Variants in DYNC1I2 observed in about 807,000 individuals in gnomAD.
DYNC1I2 encodes the protein cytoplasmic dynein 1 intermediate chain 2.
In DYNC1I2, 53 loss-of-function variants were observed where a neutral mutation model predicts 88.6. The observed-to-expected ratio is 0.60, with a 90% CI of 0.48 to 0.75. DYNC1I2 has a LOEUF of 0.75. Among genes scored for constraint, DYNC1I2 ranks in the 30% least tolerant of loss-of-function variants. The pLI is 0.00. For synonymous variants in DYNC1I2, 198 were observed against 254.6 expected (o/e 0.78, Z 2.12); for missense variants, 458 against 766.6 (o/e 0.60, Z 4.75).
chr2:171,690,822 T>TTTTTGTA (rs2105449455), intron 2 of DYNC1I2, among the ~76,000 whole-genome samples: 1 of 152,022 alleles, frequency 6.6e-6, no homozygotes, highest in East Asian at 1.9e-4. Flanking sequence ...GCTAGGCTAA[T>TTTTTGTA]TTTTGTATTT....
chr2:171,700,908 G>A (rs1380936861), intron 3 of DYNC1I2, among the ~76,000 whole-genome samples: 1 of 152,152 alleles, frequency 6.6e-6, no homozygotes, highest in Non-Finnish European at 1.5e-5. Flanking sequence ...TGGGATTACA[G>A]GTGTGAGCCA....
At chr2:171,700,932 A>G (rs993956479) in intron 3 of DYNC1I2, among the ~76,000 whole-genome samples, 1 of 151,384 alleles carries the variant, frequency 6.6e-6, no homozygotes, top group Non-Finnish European at 1.5e-5. Context: ...TGCCTGGCCA[A>G]TTATCCTAGT....
chr2:171,709,569 T>G (rs142885584), intron 5 of DYNC1I2, among the ~76,000 whole-genome samples: 125 of 152,316 alleles, frequency 8.2e-4, no homozygotes, highest in Middle Eastern at 3.4e-3. Context: ...GTGTGAAGCA[T>G]AGTTTTTTTA....
chr2:171,725,559 T>A, intron 7 of DYNC1I2, 59 bp from the exon 8 acceptor site: 1 of 1,121,834 alleles, frequency 8.9e-7, no homozygotes, highest in Non-Finnish European at 1.2e-6. Flanking sequence ...TTCATTAAAA[T>A]AATTTATTAT....
chr2:171,738,069 C>T (rs1574628627), intron 15 of DYNC1I2, among the ~76,000 whole-genome samples: 3 of 152,098 alleles, frequency 2.0e-5, no homozygotes, highest in African/African-American at 7.2e-5. Flanking sequence ...CAGTAGCTAA[C>T]GACTGTAATT....
intron 15 of DYNC1I2, among the ~76,000 whole-genome samples, chr2:171,740,233 T>C (rs113708809): frequency 0.016 from 2,501 of 152,282 alleles, 58 homozygotes; most frequent in African/African-American, 0.053. Flanking sequence ...TCATAAATGA[T>C]TTGGTTATCC....
chr2:171,705,908 T>A (rs925618390), intron 3 of DYNC1I2, among the ~76,000 whole-genome samples: 1 of 152,044 alleles, frequency 6.6e-6, no homozygotes, highest in Non-Finnish European at 1.5e-5. Context: ...GAAAGAAATA[T>A]TCTAGTTGTG....
intron 5 of DYNC1I2, chr2:171,712,559 C>A: frequency 2.0e-6 from 1 of 496,346 alleles, no homozygotes; most frequent in Non-Finnish European, 3.5e-6. Flanking sequence ...CATCTTTAAC[C>A]ATAGGAAGCC....
At chr2:171,708,143 A>T (rs532423327) in intron 5 of DYNC1I2, among the ~76,000 whole-genome samples, 69 of 152,152 alleles carry the variant, frequency 4.5e-4, no homozygotes, top group Non-Finnish European at 8.5e-4. Flanking sequence ...GAAATTAAAC[A>T]TAGGTAGTCA....
chr2:171,707,506 T>C (rs1686774328), intron 5 of DYNC1I2, 129 bp downstream of exon 5: 1 of 749,744 alleles, frequency 1.3e-6, no homozygotes, highest in Non-Finnish European at 1.9e-6. Context: ...TAAAATGGCA[T>C]AGAAATTCTC....
chr2:171,734,697 C>T (rs1688885760), intron 15 of DYNC1I2, among the ~76,000 whole-genome samples: 1 of 152,174 alleles, frequency 6.6e-6, no homozygotes, highest in Non-Finnish European at 1.5e-5. Flanking sequence ...AGTAGTTCTA[C>T]TCTGTGAAGG....
chr2:171,733,890 G>GTAC (rs1688820775), intron 15 of DYNC1I2, among the ~76,000 whole-genome samples: 1 of 151,930 alleles, frequency 6.6e-6, no homozygotes, highest in African/African-American at 2.4e-5. Context: ...GTACTGAATG[G>GTAC]TATTGTCTAG....
At chr2:171,703,086 A>G (rs1038965661) in intron 3 of DYNC1I2, among the ~76,000 whole-genome samples, 1 of 152,184 alleles carries the variant, frequency 6.6e-6, no homozygotes, top group Non-Finnish European at 1.5e-5. Context: ...CTTGAGAGCA[A>G]GGAGAATATA....
At chr2:171,727,441 T>C (rs1688326272) in intron 11 of DYNC1I2, among the ~76,000 whole-genome samples, 1 of 152,176 alleles carries the variant, frequency 6.6e-6, no homozygotes, top group African/African-American at 2.4e-5. Context: ...TAATAGTGTC[T>C]TAATCTTGAG....
intron 6 of DYNC1I2, 142 bp downstream of exon 6, chr2:171,712,968 T>C (rs1439702116): frequency 1.5e-6 from 1 of 680,670 alleles, no homozygotes; most frequent in Non-Finnish European, 2.5e-6. Flanking sequence ...ACACCTCATT[T>C]ATCCAGTATC....
chr2:171,705,157 A>C (rs113153616), intron 3 of DYNC1I2, among the ~76,000 whole-genome samples: 1 of 152,054 alleles, frequency 6.6e-6, no homozygotes, highest in Non-Finnish European at 1.5e-5. Context: ...TTTATTTTTT[A>C]TTTCTGAAAC....
At position 171,728,828 on chromosome 2, in the gene DYNC1I2, T is replaced by A; in HGVS notation, c.1369T>A (p.Tyr457Asn). 2 of 1,610,766 alleles carry A rather than the reference T, an allele frequency of 1.2e-6. No homozygotes were observed. The highest frequency in any genetic ancestry group is 1.7e-6 in the Non-Finnish European group (2 of 1,178,632). Residue 457 changes from tyrosine (Y) to asparagine (N), a missense_variant, in exon 14 of 18, where the codon TAC (tyrosine) becomes AAC (asparagine). By Grantham distance (143) the Tyr-to-Asn change is moderately radical. Transcript: ENST00000397119. ...FVVGSEEGSV[Y>N]TACRHGSKAG... Reference sequence around the variant, plus strand: ...TGTTGGGAGTGAAGAAGGTTCTGTGTACACAGCATGCCGCCATGGCAGGTA... The same window carrying A: ...TGTTGGGAGTGAAGAAGGTTCTGTGAACACAGCATGCCGCCATGGCAGGTA...
At chr2:171,729,658 T>C (rs772407553) in intron 14 of DYNC1I2, 51 bp from the exon 15 acceptor site, 82 of 1,588,764 alleles carry the variant, frequency 5.2e-5, no homozygotes, top group Non-Finnish European at 6.3e-5. Flanking sequence ...GTGTATGTAA[T>C]TGGTCTACTT....
intron 7 of DYNC1I2, among the ~76,000 whole-genome samples, chr2:171,718,919 C>T (rs1687716608): frequency 6.6e-6 from 1 of 152,190 alleles, no homozygotes; most frequent in African/African-American, 2.4e-5. Context: ...TATCGAGCAT[C>T]ACAGAGCTAG....
Sources: allele counts gnomAD v4.1 joint callset (sites outside exome capture counted in the v4.1 genomes callset), GRCh38; gene constraint gnomAD v4.1.1; transcripts MANE v1.5; gene names NCBI Gene and HGNC (gene_info 2026-07-23, HGNC 2026-07-21).